PTH2R: variants seen among roughly 807,000 people sequenced by gnomAD.
PTH2R encodes PTH2 receptor.
In PTH2R, 59 loss-of-function variants were observed where a neutral mutation model predicts 60.3. That is an observed-to-expected ratio of 0.98 (90% CI 0.79 to 1.22). PTH2R has a LOEUF of 1.22. Among genes scored for constraint, PTH2R ranks in the 50% most tolerant of loss-of-function variants. The pLI is 0.00. For synonymous variants in PTH2R, 256 were observed against 243.8 expected, an observed-to-expected ratio of 1.05 and a Z score of -0.47; for missense variants, 749 against 682.6, an observed-to-expected ratio of 1.10 and a Z score of -1.08.
At chr2:208,423,306 A>G (rs936340884) in intron 1 of PTH2R, among the ~76,000 whole-genome samples, 7 of 152,014 alleles carry the variant, frequency 4.6e-5, no homozygotes, top group African/African-American at 1.7e-4. Context: ...ATTCAGTTCA[A>G]TGTACTTTTG....
intron 1 of PTH2R, among the ~76,000 whole-genome samples, chr2:208,374,295 C>G (rs754207688): frequency 6.6e-6 from 1 of 151,944 alleles, no homozygotes; most frequent in Admixed American, 6.6e-5. Context: ...TTTTCCTATG[C>G]CTTTAACTTC....
intron 1 of PTH2R, among the ~76,000 whole-genome samples, chr2:208,363,868 T>C (rs1239043211): frequency 6.6e-6 from 1 of 152,192 alleles, no homozygotes; most frequent in Non-Finnish European, 1.5e-5. Context: ...GGCTTGTTTG[T>C]TTTTTGCTTG....
At chr2:208,486,090 A>G (rs1407403253) in intron 10 of PTH2R, among the ~76,000 whole-genome samples, 5 of 152,210 alleles carry the variant, frequency 3.3e-5, no homozygotes, top group Admixed American at 6.5e-5. Flanking sequence ...AGGCCCAGAT[A>G]AGAATGCAGC....
At chr2:208,453,130 C>CT (rs1702440653) in intron 8 of PTH2R, among the ~76,000 whole-genome samples, 1 of 152,154 alleles carries the variant, frequency 6.6e-6, no homozygotes, top group Admixed American at 6.5e-5. Context: ...AGCCTTTTGT[C>CT]TTTTTACCTC....
At chr2:208,362,502 C>G (rs1253027510) in intron 1 of PTH2R, among the ~76,000 whole-genome samples, 5 of 152,138 alleles carry the variant, frequency 3.3e-5, no homozygotes, top group Middle Eastern at 6.8e-3. Flanking sequence ...ATAGATGTCT[C>G]ATGATATCTA....
intron 1 of PTH2R, among the ~76,000 whole-genome samples, chr2:208,397,820 A>G (rs535032302): frequency 6.6e-6 from 1 of 152,338 alleles, no homozygotes; most frequent in Admixed American, 6.5e-5. Context: ...TGCCAGGCAC[A>G]TGTGGGCACA....
At chr2:208,463,927 C>T (rs941055336) in intron 9 of PTH2R, among the ~76,000 whole-genome samples, 1 of 152,218 alleles carries the variant, frequency 6.6e-6, no homozygotes, top group African/African-American at 2.4e-5. Flanking sequence ...AGAATGTCCA[C>T]TCTCCTTGTA....
chr2:208,436,377 T>C (rs1702075148), intron 2 of PTH2R, among the ~76,000 whole-genome samples: 1 of 152,154 alleles, frequency 6.6e-6, no homozygotes, highest in African/African-American at 2.4e-5. Context: ...CTGTTGGAGC[T>C]GTTGGAGGAT....
intron 6 of PTH2R, among the ~76,000 whole-genome samples, chr2:208,443,796 G>C (rs1384939891): frequency 6.6e-6 from 1 of 152,132 alleles, no homozygotes; most frequent in Non-Finnish European, 1.5e-5. Flanking sequence ...GATTGGAATG[G>C]TATTTGGCAT....
chr2:208,428,483 T>C (rs1300087733), intron 2 of PTH2R, among the ~76,000 whole-genome samples, 180 bp downstream of exon 2: 1 of 152,192 alleles, frequency 6.6e-6, no homozygotes, highest in East Asian at 1.9e-4. Context: ...TGCTTTTCCT[T>C]CCCTGTGGAA....
At chr2:208,359,888 G>T (rs908392233) in exon 1 of PTH2R, 3 of 202,336 alleles carry the variant, frequency 1.5e-5, no homozygotes, top group African/African-American at 7.0e-5. Flanking sequence ...GGCTGGGCTG[G>T]TGGCCAGCTG....
chr2:208,406,704 C>G (rs997960875), upstream of PTH2R: 2 of 214,012 alleles, frequency 9.3e-6, no homozygotes, highest in African/African-American at 4.6e-5. Flanking sequence ...GGAGCGCGAG[C>G]GCAGCCGCGC....
At position 208,493,690 on chromosome 2, in the gene PTH2R, G is replaced by C. The variant is rs60805624; in HGVS notation, c.*31G>C. The C allele has an allele frequency of 4.2e-3, 6,383 of 1,518,248 alleles. 147 individuals are homozygous for C. In the African/African-American group the frequency reaches 0.063, roughly 15 times the overall value. The allele number at this position is 1,518,248 out of a possible 1,614,324, so 94.0% of individuals were successfully genotyped here. A position where few individuals can be genotyped will look rare whatever the true frequency, so the allele number is the denominator to read the frequency against. On this transcript the variant is annotated 3_prime_UTR_variant, in exon 13 of 13. Coordinates refer to ENST00000272847, the MANE Select transcript of PTH2R (RefSeq NM_005048.4). ...CATTTGTGGCTGACTTTCATGGGCT[G>C]GTCCAATGGCTGGTTGTGTGAGAGG...
chr2:208,401,617 A>G (rs1701310985), intron 1 of PTH2R, among the ~76,000 whole-genome samples: 1 of 151,754 alleles, frequency 6.6e-6, no homozygotes, highest in Admixed American at 6.6e-5. Context: ...TCTGCAGCAC[A>G]CCTGCTGTTT....
At chr2:208,477,785 C>T (rs1703041233) in intron 9 of PTH2R, among the ~76,000 whole-genome samples, 1 of 151,546 alleles carries the variant, frequency 6.6e-6, no homozygotes, top group African/African-American at 2.4e-5. Context: ...CTGTAGTTTG[C>T]TTCAAGCAAA....
intron 6 of PTH2R, 77 bp downstream of exon 6, chr2:208,443,614 A>G: frequency 1.6e-6 from 2 of 1,256,892 alleles, no homozygotes; most frequent in Non-Finnish European, 2.2e-6. Context: ...AGTCCACTAA[A>G]CATGTTAACT....
intron 1 of PTH2R, among the ~76,000 whole-genome samples, chr2:208,380,659 A>C (rs1476108385): frequency 6.6e-6 from 1 of 152,076 alleles, no homozygotes; most frequent in African/African-American, 2.4e-5. Context: ...TCTCTAGTGT[A>C]TGGAACTCAC....
chr2:208,458,319 A>G (rs1319415029), intron 8 of PTH2R, among the ~76,000 whole-genome samples: 1 of 152,206 alleles, frequency 6.6e-6, no homozygotes, highest in African/African-American at 2.4e-5. Context: ...GAAGGGAAGC[A>G]CCAAATATAA....
intron 1 of PTH2R, among the ~76,000 whole-genome samples, chr2:208,367,944 C>T (rs1446446731): frequency 6.6e-6 from 1 of 152,188 alleles, no homozygotes; most frequent in Non-Finnish European, 1.5e-5. Context: ...TTCTTACCTA[C>T]TTAGGCCATA....
Sources: allele counts gnomAD v4.1 joint callset (sites outside exome capture counted in the v4.1 genomes callset), GRCh38; gene constraint gnomAD v4.1.1; transcripts MANE v1.5; gene names NCBI Gene and HGNC (gene_info 2026-07-23, HGNC 2026-07-21).